AADAT: variants seen among roughly 807,000 people sequenced by gnomAD.
The protein encoded by AADAT is kynurenine/alpha-aminoadipate aminotransferase, mitochondrial.
Under a neutral mutation model 56.2 loss-of-function variants are expected in AADAT, and 25 were observed. That is an observed-to-expected ratio of 0.44 (90% confidence interval 0.32 to 0.62). The LOEUF is 0.62. Among genes scored for constraint, AADAT ranks in the 20% least tolerant of loss-of-function variants. The pLI is 0.04. For synonymous variants in AADAT, 173 were observed against 164.7 expected (o/e 1.05, Z -0.39); for missense variants, 387 against 510.5 (o/e 0.76, Z 2.33).
chr4:170,089,474 T>C, intron 1 of AADAT, 150 bp downstream of exon 1: 1 of 840,112 alleles, frequency 1.2e-6, no homozygotes. Flanking sequence ...CTGTGTCTAT[T>C]TCATTTCTGC....
In AADAT at chr4:170,073,337, T is replaced by C; in HGVS notation, c.453A>G (p.Pro151=). 6.2e-7 allele frequency: 1 copy of C among 1,613,516 alleles called. No homozygotes were observed. The highest frequency in any genetic ancestry group is 8.5e-7 in the Non-Finnish European group (1 of 1,179,710). ...CAACATTAATAATGTTGCAGCCCAG[T>C]GGGTGCAGCTGTTGAGCACAAAAGA... ...AYSGTLQSLH[P]LGCNIINVAS... The change falls in exon 5 of 13, where the codon CCA becomes CCG. Residue 151 remains proline, a synonymous_variant. Transcript: ENST00000337664.
chr4:170,070,188 C>A (rs570117824), intron 6 of AADAT, among the ~76,000 whole-genome samples: 3 of 151,050 alleles, frequency 2.0e-5, no homozygotes, highest in South Asian at 4.2e-4. Context: ...TCATTCTAAT[C>A]GGCCACCACC....
chr4:170,088,402 C>G lies in AADAT; in HGVS notation c.230G>C (p.Ser77Thr). Residue 77 changes from serine (S) to threonine (T), a missense_variant, in exon 2 of 13, where the codon AGT becomes ACT. Transcript: ENST00000337664. ...GTTAAGTATTGATACTTACCCAGCA[C>G]TCGGAGAATACTGAAGTGCTCTCTT... Reference protein sequence around the residue: ...MMKRALQYSPSAGIPELLSWL... With the variant: ...MMKRALQYSPTAGIPELLSWL... 9 of 1,593,556 alleles carry G rather than the reference C, an allele frequency of 5.6e-6. No homozygotes were observed. Among genetic ancestry groups the G allele is most frequent in the Non-Finnish European group, 7.7e-6 (9 of 1,163,728 alleles).
intron 3 of AADAT, among the ~76,000 whole-genome samples, chr4:170,079,242 C>T (rs776666320): frequency 1.1e-4 from 17 of 152,108 alleles, no homozygotes; most frequent in Admixed American, 2.6e-4. Flanking sequence ...AGTTGGTGTA[C>T]GGGGTAACAA....
chr4:170,089,612 C>G lies in AADAT; in HGVS notation c.67+12G>C. The G allele has an allele frequency of 6.2e-7, 1 of 1,614,118 alleles. No homozygotes were observed. Among genetic ancestry groups the G allele is most frequent in the Non-Finnish European group, 8.5e-7 (1 of 1,179,972 alleles). On this transcript the variant is annotated intron_variant, in intron 1 of 12. Coordinates refer to ENST00000337664, the MANE Select transcript of AADAT (RefSeq NM_016228.4). Reference sequence around the variant, plus strand: ...CCCACCCCAAAGGAGAGATGGTCACCCCGTTTCTCACTCATGGTCCGGATG... The same window carrying G: ...CCCACCCCAAAGGAGAGATGGTCACGCCGTTTCTCACTCATGGTCCGGATG...
intron 8 of AADAT, among the ~76,000 whole-genome samples, chr4:170,067,774 T>C (rs1342437307): frequency 6.6e-6 from 1 of 152,218 alleles, no homozygotes; most frequent in Non-Finnish European, 1.5e-5. Context: ...ACTGTACTGC[T>C]TCTCTAAATA....
intron 4 of AADAT, among the ~76,000 whole-genome samples, chr4:170,077,054 G>C (rs1732072468): frequency 6.6e-6 from 1 of 152,162 alleles, no homozygotes; most frequent in Middle Eastern, 3.4e-3. Flanking sequence ...CTATTCTATT[G>C]GTCTATATGA....
intron 4 of AADAT, among the ~76,000 whole-genome samples, chr4:170,073,852 A>G (rs1200374259): frequency 1.3e-5 from 2 of 152,134 alleles, no homozygotes; most frequent in South Asian, 2.1e-4. Flanking sequence ...AGAGAATTAT[A>G]TAATTCTTTC....
Position 170,087,241 on chromosome 4 carries a change from C to T in AADAT, c.244G>A (p.Glu82Lys). 6.2e-7 allele frequency: 1 copy of T among 1,611,626 alleles called. No homozygotes were observed. The highest frequency in any genetic ancestry group is 2.2e-5 in the East Asian group (1 of 44,828). ...AACTGTTTTAGCCAGGACAAAAGCT[C>T]TGGAATTCTAAAGCAAAAAATGTAT... Reference protein sequence around the residue: ...LQYSPSAGIPELLSWLKQLQI... With the variant: ...LQYSPSAGIPKLLSWLKQLQI... Residue 82 changes from glutamate to lysine, a missense_variant, in exon 3 of 13, where the codon GAG (glutamate) becomes AAG (lysine). Glu to Lys is a moderately conservative substitution (Grantham distance 56). Transcript: ENST00000337664.
upstream of AADAT, among the ~76,000 whole-genome samples, chr4:170,091,331 C>T (rs1435403973): frequency 6.6e-6 from 1 of 151,918 alleles, no homozygotes; most frequent in African/African-American, 2.4e-5. Context: ...GAGCGGCGGG[C>T]CGGCTCCGCC....
intron 9 of AADAT, among the ~76,000 whole-genome samples, chr4:170,066,993 C>A (rs948719642): frequency 1.3e-5 from 2 of 152,074 alleles, no homozygotes; most frequent in African/African-American, 4.8e-5. Flanking sequence ...GTCATGTATC[C>A]TTCACAATTA....
chr4:170,068,730 C>T lies in AADAT; in HGVS notation c.804-43G>A, dbSNP rs751698301. 5.9e-5 allele frequency: 73 copies of T among 1,242,242 alleles called. No homozygotes were observed. The Middle Eastern group carries it at 9.6e-4, about 16-fold the overall frequency. 77.0% of individuals were successfully genotyped at this position (1,242,242 alleles called of 1,614,324 possible). A position where few individuals can be genotyped will look rare whatever the true frequency, so the allele number is the denominator to read the frequency against. ...AGGCACGATACCAATTCCATATTAA[C>T]AATTAATACATATCACTTTCCTGAT... On this transcript the variant is annotated intron_variant, in intron 7 of 12. Coordinates refer to ENST00000337664, the MANE Select transcript of AADAT (RefSeq NM_016228.4).
At chr4:170,081,887 G>A (rs750275029) in intron 3 of AADAT, among the ~76,000 whole-genome samples, 2 of 152,072 alleles carry the variant, frequency 1.3e-5, no homozygotes, top group African/African-American at 4.8e-5. Flanking sequence ...GCCGAGAAGC[G>A]ATCATCCAAG....
upstream of AADAT, among the ~76,000 whole-genome samples, chr4:170,092,888 C>A (rs1732909124): frequency 6.6e-6 from 1 of 152,248 alleles, no homozygotes; most frequent in Non-Finnish European, 1.5e-5. Context: ...AGCTATTTGG[C>A]AACTTTTAAG....
chr4:170,083,275 T>C (rs192994464), intron 3 of AADAT, among the ~76,000 whole-genome samples: 1 of 152,122 alleles, frequency 6.6e-6, no homozygotes, highest in East Asian at 1.9e-4. Context: ...TTAAACAACG[T>C]GCTCCTGAAT....
chr4:170,086,326 C>T (rs1272526690), intron 3 of AADAT, among the ~76,000 whole-genome samples: 1 of 151,888 alleles, frequency 6.6e-6, no homozygotes, highest in East Asian at 1.9e-4. Context: ...GGCAACTAAC[C>T]AGTGGTGTTT....
chr4:170,092,413 A>G (rs1294944161), upstream of AADAT, among the ~76,000 whole-genome samples: 1 of 152,252 alleles, frequency 6.6e-6, no homozygotes, highest in Non-Finnish European at 1.5e-5. Flanking sequence ...TCACGCCAGC[A>G]GCCAGTGAGA....
chr4:170,066,169 G>T (rs969922547), intron 10 of AADAT, among the ~76,000 whole-genome samples: 13 of 151,920 alleles, frequency 8.6e-5, no homozygotes, highest in African/African-American at 2.9e-4. Context: ...GTTAGTGATT[G>T]ATTTTTAGAT....
chr4:170,073,315 CATT>C lies in AADAT; in HGVS notation c.472_474del (p.Asn158del). 1 of 1,613,864 alleles carries C rather than the reference CATT, an allele frequency of 6.2e-7. No individual in the cohort carries two copies. The highest frequency in any genetic ancestry group is 8.5e-7 in the Non-Finnish European group (1 of 1,179,994). The stretch of plus-strand genomic sequence containing the variant: ...ACAATCCCACTTTCATCACTGGCAA[CATT>C]AATAATGTTGCAGCCCAGTGGGTGC... On this transcript the variant is annotated inframe_deletion, in exon 5 of 13. Transcript: ENST00000337664.
Sources: gnomAD v4.1 joint callset for allele counts (sites outside exome capture counted in the v4.1 genomes callset) on GRCh38, gnomAD v4.1.1 for gene constraint, MANE v1.5 for transcripts, NCBI Gene and HGNC (gene_info 2026-07-23, HGNC 2026-07-21) for gene names.